Variants in ANKHD1 observed in about 807,000 individuals in gnomAD.
The protein encoded by ANKHD1 is ankyrin repeat and KH domain-containing protein 1.
Under a neutral mutation model 230.5 loss-of-function variants are expected in ANKHD1, and 31 were observed. The ratio of observed to expected loss-of-function variants is 0.13; its 90% CI spans 0.10 to 0.18. The LOEUF is 0.18. Ranked by LOEUF, ANKHD1 falls within the 10% of genes least tolerant of loss-of-function variation. The pLI, the probability that ANKHD1 is intolerant of heterozygous loss-of-function variation, is 1.00. For missense variants in ANKHD1, 2,256 were observed against 3,071.3 expected (o/e 0.73, Z 6.27); for synonymous variants, 1,074 against 1,117.6 (o/e 0.96, Z 0.78).
rs1265810718 is a variant in ANKHD1, at chr5:140,528,663, A to G, written c.5717A>G (p.Lys1906Arg). 5 of 1,614,148 alleles carry G rather than the reference A, an allele frequency of 3.1e-6. No homozygotes were observed. Among genetic ancestry groups the G allele is most frequent in the Non-Finnish European group, 3.4e-6 (4 of 1,180,034 alleles). ...CCTGGCAACACAAATAGCTCTCCAAAGCATAATAACACAAGCCGTCTACCT... is the reference window on the plus strand; with the variant it reads ...CCTGGCAACACAAATAGCTCTCCAAGGCATAATAACACAAGCCGTCTACCT... ...VNPGNTNSSPKHNNTSRLPNQ... is the reference protein window; with the variant it reads ...VNPGNTNSSPRHNNTSRLPNQ... The change falls in exon 29 of 34, where the codon AAG (lysine) becomes AGG (arginine). Residue 1906 changes from lysine (K) to arginine (R), a missense_variant. By Grantham distance (26) the Lys-to-Arg change is conservative. This residue lies in a region of ANKHD1 where 778 missense variants were observed against 966.5 expected (regional missense o/e 0.80). Transcript: ENST00000360839.
chr5:140,491,621 A>G (rs1247932271), intron 14 of ANKHD1, among the ~76,000 whole-genome samples: 2 of 152,038 alleles, frequency 1.3e-5, no homozygotes, highest in Non-Finnish European at 2.9e-5. Context: ...TATATCCTCC[A>G]TGTTTTACCT....
intron 15 of ANKHD1, among the ~76,000 whole-genome samples, chr5:140,502,353 T>C (rs1024963618): frequency 2.6e-5 from 4 of 152,192 alleles, no homozygotes; most frequent in African/African-American, 9.7e-5. Flanking sequence ...TCTAGGATAA[T>C]GTAGTACAAA....
At chr5:140,443,126 C>T (rs916132306) in intron 5 of ANKHD1, among the ~76,000 whole-genome samples, 19 of 151,730 alleles carry the variant, frequency 1.3e-4, no homozygotes, top group Admixed American at 2.6e-4. Context: ...AGGATGGTCT[C>T]GATCTCGACC....
At chr5:140,441,326 A>G (rs1439409170) in intron 5 of ANKHD1, among the ~76,000 whole-genome samples, 184 bp downstream of exon 5, 1 of 152,206 alleles carries the variant, frequency 6.6e-6, no homozygotes. Context: ...AAACACACTT[A>G]GAGTCTCCTG....
intron 1 of ANKHD1, among the ~76,000 whole-genome samples, chr5:140,428,996 G>C (rs919074779): frequency 1.3e-5 from 2 of 151,836 alleles, no homozygotes; most frequent in Admixed American, 6.6e-5. Context: ...ATGTTGGCCA[G>C]GCTGGTCTCG....
chr5:140,485,040 C>A lies in ANKHD1; in HGVS notation c.1871-81C>A. 1 of 1,496,994 alleles carries A rather than the reference C, an allele frequency of 6.7e-7. No homozygotes were observed. 92.7% of individuals were successfully genotyped at this position (1,496,994 alleles called of 1,614,324 possible). On this transcript the variant is annotated intron_variant, in intron 11 of 33. Transcript: ENST00000360839. The surrounding 1 kb of genome is among the most constrained non-coding windows in gnomAD (Gnocchi z 4.8). The stretch of plus-strand genomic sequence containing the variant: ...TTTTTTGTATCTACATTATACTTCA[C>A]AAAAAATTTTTAAATGATATTGACT...
intron 14 of ANKHD1, 77 bp from the exon 15 acceptor site, chr5:140,496,443 C>CTTTTTTTTTTTTTTTTTTTTTTT: frequency 7.0e-6 from 5 of 718,958 alleles, no homozygotes; most frequent in Non-Finnish European, 5.4e-6. Context: ...GGCTGGTTTT[C>CTTTTTTTTTTTTTTTTTTTTTTT]TTTTTTTTTT....
chr5:140,508,940 ATAAT>A (rs1254291984), intron 20 of ANKHD1, among the ~76,000 whole-genome samples: 1 of 152,104 alleles, frequency 6.6e-6, no homozygotes, highest in African/African-American at 2.4e-5. Context: ...AGAATTTTTA[ATAAT>A]TAGTCAACAG....
At chr5:140,403,594 A>C (rs1424805707) in intron 1 of ANKHD1, among the ~76,000 whole-genome samples, 1 of 152,036 alleles carries the variant, frequency 6.6e-6, no homozygotes, top group Non-Finnish European at 1.5e-5. Flanking sequence ...TGTATTTTTT[A>C]GTAAAGACAG....
At chr5:140,455,255 A>T (rs1328043874) in intron 7 of ANKHD1, among the ~76,000 whole-genome samples, 1 of 152,170 alleles carries the variant, frequency 6.6e-6, no homozygotes, top group Non-Finnish European at 1.5e-5. Flanking sequence ...CCAGGACCAG[A>T]TGGATTCACT....
intron 1 of ANKHD1, among the ~76,000 whole-genome samples, chr5:140,418,867 A>T (rs1300736440): frequency 6.6e-6 from 1 of 152,044 alleles, no homozygotes; most frequent in African/African-American, 2.4e-5. Context: ...AGTAGCTGGG[A>T]TTACAGGCAT....
At chr5:140,472,100 A>G in intron 10 of ANKHD1, 2 of 700,988 alleles carry the variant, frequency 2.9e-6, no homozygotes, top group Non-Finnish European at 4.9e-6. Context: ...TACAGTCTCT[A>G]CAGATGAGAA....
chr5:140,436,821 G>A (rs914820049), intron 2 of ANKHD1, among the ~76,000 whole-genome samples: 14 of 151,848 alleles, frequency 9.2e-5, no homozygotes, highest in African/African-American at 2.9e-4. Flanking sequence ...TAAAAATGTG[G>A]GAGATAAATT....
At chr5:140,481,801 T>C (rs910826409) in intron 10 of ANKHD1, among the ~76,000 whole-genome samples, 1 of 151,952 alleles carries the variant, frequency 6.6e-6, no homozygotes, top group Non-Finnish European at 1.5e-5. Flanking sequence ...GCATATATAA[T>C]GAAAGAGGGG....
intron 24 of ANKHD1, among the ~76,000 whole-genome samples, chr5:140,519,098 C>A (rs990900375): frequency 2.6e-5 from 4 of 152,168 alleles, no homozygotes; most frequent in Non-Finnish European, 5.9e-5. Flanking sequence ...TTTCAGGATA[C>A]AAAATCAATG....
chr5:140,476,162 CAAG>C (rs1051469219), intron 10 of ANKHD1, among the ~76,000 whole-genome samples: 83 of 151,274 alleles, frequency 5.5e-4, no homozygotes, highest in African/African-American at 2.0e-3. Flanking sequence ...AGTGATAAAA[CAAG>C]AAATAATACA....
chr5:140,496,443 CTTTTTTTTTTTTCTTTTCTTTT>C lies in ANKHD1; in HGVS notation c.2246-64_2246-43del. 5 of 718,954 alleles carry C rather than the reference CTTTTTTTTTTTTCTTTTCTTTT, an allele frequency of 7.0e-6. No individual in the cohort carries two copies. In the East Asian group the frequency reaches 2.2e-4, roughly 32 times the overall value. 44.5% of individuals were successfully genotyped at this position (718,954 alleles called of 1,614,324 possible). A position where few individuals can be genotyped will look rare whatever the true frequency, so the allele number is the denominator to read the frequency against. ...GTGTGTGGGAGGGGAGGCTGGTTTT[CTTTTTTTTTTTTCTTTTCTTTT>C]TTTTTTTTTTTTTTTTTAGCATGGC... On this transcript the variant is annotated intron_variant, in intron 14 of 33. Coordinates refer to ENST00000360839, the MANE Select transcript of ANKHD1 (RefSeq NM_017747.3).
chr5:140,438,332 C>A, intron 2 of ANKHD1, 129 bp from the exon 3 acceptor site: 2 of 1,320,886 alleles, frequency 1.5e-6, no homozygotes, highest in Non-Finnish European at 2.0e-6. Context: ...CTTCTGTCAA[C>A]CTAACCTATG....
At chr5:140,405,208 G>A (rs1399280151) in intron 1 of ANKHD1, among the ~76,000 whole-genome samples, 7 of 152,092 alleles carry the variant, frequency 4.6e-5, no homozygotes, top group Admixed American at 3.3e-4. Flanking sequence ...AGGATTTACA[G>A]GTTAAGAGTA....
Sources: allele counts gnomAD v4.1 joint callset (sites outside exome capture counted in the v4.1 genomes callset), GRCh38; gene constraint gnomAD v4.1.1; regional missense constraint gnomAD v4.1.1; non-coding constraint Gnocchi (gnomAD v3.1); transcripts MANE v1.5; gene names NCBI Gene and HGNC (gene_info 2026-07-23, HGNC 2026-07-21).